Variants in TRAPPC12 observed in about 807,000 individuals in gnomAD.
TRAPPC12 encodes TPR repeat protein 15.
TRAPPC12 carries 61 observed loss-of-function variants against 69.2 expected under a neutral mutation model. The observed-to-expected ratio is 0.88, with a 90% confidence interval of 0.72 to 1.09. The LOEUF is 1.09. TRAPPC12 is among the 50% of genes least tolerant of loss of function. TRAPPC12 has a pLI of 0.00. For missense variants in TRAPPC12, 1,101 were observed against 1,016.4 expected (o/e 1.08, Z -1.13); for synonymous variants, 469 against 438.9 (o/e 1.07, Z -0.86).
At chr2:3,388,810 C>T in intron 2 of TRAPPC12, 140 bp downstream of exon 2, 1 of 851,986 alleles carries the variant, frequency 1.2e-6, no homozygotes, top group Non-Finnish European at 1.7e-6. Flanking sequence ...CGCCTGTGTT[C>T]CTCTGTCCCT....
intron 6 of TRAPPC12, among the ~76,000 whole-genome samples, chr2:3,447,998 A>G (rs1664607447): frequency 1.3e-5 from 2 of 152,220 alleles, no homozygotes; most frequent in Admixed American, 1.3e-4. Context: ...AACCACACGC[A>G]CACACACAGC....
intron 5 of TRAPPC12, among the ~76,000 whole-genome samples, chr2:3,425,610 T>G (rs1663058040): frequency 6.6e-6 from 1 of 152,214 alleles, no homozygotes; most frequent in African/African-American, 2.4e-5. Flanking sequence ...TTTCTTACTC[T>G]CTTCCGAATG....
At chr2:3,475,875 C>A (rs58887654) in intron 9 of TRAPPC12, among the ~76,000 whole-genome samples, 4,198 of 152,332 alleles carry the variant, frequency 0.028, 120 homozygotes, top group South Asian at 0.095. Context: ...GCGAGCTGTG[C>A]TTGTAAGCGC....
At chr2:3,451,270 TC>T (rs1156284789) in intron 6 of TRAPPC12, among the ~76,000 whole-genome samples, 1 of 152,176 alleles carries the variant, frequency 6.6e-6, no homozygotes, top group Non-Finnish European at 1.5e-5. Context: ...AGCCTGTTCA[TC>T]CCTGGACCGG....
chr2:3,472,089 G>A (rs542733012), intron 9 of TRAPPC12, among the ~76,000 whole-genome samples: 1 of 152,284 alleles, frequency 6.6e-6, no homozygotes, highest in South Asian at 2.1e-4. Context: ...CAGGCAGGAC[G>A]AAGGGGGACG....
chr2:3,414,755 C>T lies in TRAPPC12; in HGVS notation c.1165-7126C>T, dbSNP rs1478831806. Among the ~76,000 whole-genome samples, 1 of 152,128 alleles carries T rather than the reference C, an allele frequency of 6.6e-6. No individual in the cohort carries two copies. Among genetic ancestry groups the T allele is most frequent in the Non-Finnish European group, 1.5e-5 (1 of 68,028 alleles). ...GTTGACGTGCATTCCTCTTGTTCAT[C>T]GTGCGAGACTCCCCACCCCTGTGCC... On this transcript the variant is annotated intron_variant, in intron 3 of 11. Transcript: ENST00000324266. The surrounding 1 kb of genome is among the most constrained non-coding windows in gnomAD (Gnocchi z 4.9).
intron 5 of TRAPPC12, among the ~76,000 whole-genome samples, chr2:3,425,855 A>G (rs994041195): frequency 6.6e-6 from 1 of 152,238 alleles, no homozygotes; most frequent in African/African-American, 2.4e-5. Context: ...ATTCTGTTGA[A>G]CTTGGTTGAT....
At chr2:3,402,188 T>C (rs913076827) in intron 3 of TRAPPC12, among the ~76,000 whole-genome samples, 4 of 152,230 alleles carry the variant, frequency 2.6e-5, no homozygotes, top group African/African-American at 7.2e-5. Context: ...ATGATTTGTG[T>C]TCATTTTTTA....
At chr2:3,430,261 C>T (rs191992384) in intron 5 of TRAPPC12, among the ~76,000 whole-genome samples, 2 of 152,288 alleles carry the variant, frequency 1.3e-5, no homozygotes, top group East Asian at 3.9e-4. Flanking sequence ...CATGTTCAGG[C>T]GTTTCTCTGA....
At chr2:3,410,887 G>A (rs1267018526) in intron 3 of TRAPPC12, among the ~76,000 whole-genome samples, 1 of 152,044 alleles carries the variant, frequency 6.6e-6, no homozygotes, top group African/African-American at 2.4e-5. Context: ...AAAATTAGCT[G>A]GGCGTGGTGG....
At chr2:3,467,833 C>T (rs952033842) in intron 9 of TRAPPC12, 1 of 152,374 alleles carries the variant, frequency 6.6e-6, no homozygotes, top group Non-Finnish European at 1.5e-5. Flanking sequence ...CTCTCCTCAT[C>T]TCCGCTGGGT....
chr2:3,423,377 T>TA (rs1662925389), intron 4 of TRAPPC12, among the ~76,000 whole-genome samples: 1 of 152,012 alleles, frequency 6.6e-6, no homozygotes, highest in South Asian at 2.1e-4. Flanking sequence ...AAAATCTGTC[T>TA]TAGCAATTTT....
intron 5 of TRAPPC12, among the ~76,000 whole-genome samples, chr2:3,433,881 C>T (rs1663604784): frequency 1.3e-5 from 2 of 152,168 alleles, no homozygotes; most frequent in Admixed American, 6.5e-5. Flanking sequence ...TGACTAGCTT[C>T]TCCTTTTTTT....
At chr2:3,460,618 C>T (rs1157574636) in intron 8 of TRAPPC12, 3 of 384,756 alleles carry the variant, frequency 7.8e-6, no homozygotes, top group Admixed American at 4.2e-5. Context: ...CATTTTCCCC[C>T]ATTTTTCTCT....
intron 10 of TRAPPC12, 186 bp downstream of exon 10, chr2:3,477,981 A>C: frequency 2.2e-6 from 1 of 450,718 alleles, no homozygotes; most frequent in Non-Finnish European, 4.0e-6. Context: ...ATGTTCTTTT[A>C]GTCACAGAAG....
chr2:3,388,083 G>A lies in TRAPPC12; in HGVS notation c.460G>A (p.Ala154Thr). Residue 154 changes from alanine (A) to threonine (T), a missense_variant, in exon 2 of 12, where the codon GCG becomes ACG. Transcript: ENST00000324266. ...GCGCCCGGAGCAGGAGCCTCCCGTT[G>A]CGGAGCCGGTCCCGGTGTGCACCAT... ...AARPEQEPPV[A>T]EPVPVCTIFS... 6.5e-7 allele frequency: 1 copy of A among 1,538,012 alleles called. No individual in the cohort carries two copies. Among genetic ancestry groups the A allele is most frequent in the Non-Finnish European group, 8.7e-7 (1 of 1,147,556 alleles).
intron 3 of TRAPPC12, chr2:3,421,627 A>G (rs765729711): frequency 4.3e-6 from 3 of 696,880 alleles, no homozygotes; most frequent in African/African-American, 1.8e-5. Flanking sequence ...GTTGAATTGT[A>G]ATGTTTTTAT....
intron 9 of TRAPPC12, among the ~76,000 whole-genome samples, chr2:3,466,904 T>G (rs1038171966): frequency 3.3e-5 from 5 of 152,212 alleles, no homozygotes; most frequent in South Asian, 2.1e-4. Flanking sequence ...ATGTGTAACA[T>G]TATCCCCTGG....
intron 3 of TRAPPC12, among the ~76,000 whole-genome samples, chr2:3,408,809 C>T (rs889526669): frequency 1.3e-5 from 2 of 152,172 alleles, no homozygotes; most frequent in Non-Finnish European, 2.9e-5. Context: ...TATTAAAAAT[C>T]TTAATATTCA....
Sources: gnomAD v4.1 joint callset for allele counts (sites outside exome capture counted in the v4.1 genomes callset) on GRCh38, gnomAD v4.1.1 for gene constraint, Gnocchi (gnomAD v3.1) non-coding constraint, MANE v1.5 for transcripts, NCBI Gene and HGNC (gene_info 2026-07-23, HGNC 2026-07-21) for gene names.